Variants in DPYS observed in about 807,000 individuals in gnomAD.
The protein encoded by DPYS is dihydropyrimidine amidohydrolase.
A neutral mutation model predicts 50.3 loss-of-function variants in DPYS; 39 were observed. The observed-to-expected ratio is 0.78, with a 90% CI of 0.60 to 1.01. DPYS has a LOEUF of 1.01. DPYS is among the 50% of genes least tolerant of loss of function. The pLI is 0.00. For missense variants in DPYS, 659 were observed against 680.9 expected, an observed-to-expected ratio of 0.97 and a Z score of 0.36; for synonymous variants, 245 against 250.7, an observed-to-expected ratio of 0.98 and a Z score of 0.22.
chr8:104,405,708 G>C (rs750741427), intron 7 of DPYS, among the ~76,000 whole-genome samples: 1 of 152,246 alleles, frequency 6.6e-6, no homozygotes, highest in African/African-American at 2.4e-5. Context: ...CATCACCTCT[G>C]TCTGCCTGGA....
At chr8:104,459,072 T>C (rs1461715676) in intron 1 of DPYS, among the ~76,000 whole-genome samples, 1 of 152,188 alleles carries the variant, frequency 6.6e-6, no homozygotes, top group Non-Finnish European at 1.5e-5. Context: ...TTAGATGCAA[T>C]GAAACATAAC....
Position 104,451,244 on chromosome 8 carries a change from A to C in DPYS, c.423+2T>G, listed in dbSNP as rs749522273. The C allele has an allele frequency of 6.2e-7, 1 of 1,613,816 alleles. No homozygotes were observed. Among genetic ancestry groups the C allele is most frequent in the Middle Eastern group, 1.7e-4 (1 of 5,806 alleles). ...GAACACATTGAAATCCAGGTGCTTT[A>C]CCTGGTCACTCCACCACGTCACTGC... On this transcript the variant is annotated splice_donor_variant, in intron 2 of 9. Transcript: ENST00000351513. LOFTEE classifies it high-confidence loss of function.
chr8:104,460,485 A>G (rs1224569896), intron 1 of DPYS, among the ~76,000 whole-genome samples: 1 of 152,154 alleles, frequency 6.6e-6, no homozygotes, highest in African/African-American at 2.4e-5. Context: ...CAGCCTGTGA[A>G]ACTGTGAGTC....
chr8:104,431,385 A>G (rs1278402496), intron 4 of DPYS, among the ~76,000 whole-genome samples: 1 of 151,586 alleles, frequency 6.6e-6, no homozygotes, highest in Non-Finnish European at 1.5e-5. Flanking sequence ...CTTTAGTGGT[A>G]TATACAACAA....
chr8:104,415,529 T>C (rs1432202737), intron 7 of DPYS, among the ~76,000 whole-genome samples: 1 of 152,146 alleles, frequency 6.6e-6, no homozygotes, highest in Non-Finnish European at 1.5e-5. Flanking sequence ...GTGGTTAAAA[T>C]TGTATGCATA....
At chr8:104,450,454 T>G (rs1813700539) in intron 2 of DPYS, among the ~76,000 whole-genome samples, 1 of 152,222 alleles carries the variant, frequency 6.6e-6, no homozygotes, top group African/African-American at 2.4e-5. Context: ...GTAAAAAGAT[T>G]GCTGAATTAA....
chr8:104,457,083 T>G (rs1813951005), intron 1 of DPYS, among the ~76,000 whole-genome samples: 1 of 152,232 alleles, frequency 6.6e-6, no homozygotes, highest in Admixed American at 6.5e-5. Flanking sequence ...TGATAAAGTT[T>G]AATTTATTAC....
chr8:104,453,739 A>G (rs527887994), intron 1 of DPYS, among the ~76,000 whole-genome samples: 152 of 152,362 alleles, frequency 1.0e-3, no homozygotes, highest in Non-Finnish European at 1.6e-3. Flanking sequence ...AGACTTGCAC[A>G]TGAATATTCA....
At position 104,451,350 on chromosome 8, in the gene DPYS, C is replaced by G; in HGVS notation, c.319G>C (p.Gly107Arg). ...TCGAAGGCCTCAATGAGGGAGCCAC[C>G]TTTCTGAGGAATGGCGAAATCAATA... ...MIIDFAIPQK[G>R]GSLIEAFETW... Residue 107 changes from glycine (G) to arginine (R), a missense_variant, in exon 2 of 10, where the codon GGT (glycine) becomes CGT (arginine). Gly to Arg is a moderately radical substitution (Grantham distance 125). Transcript: ENST00000351513. 1 of 1,614,200 alleles carries G rather than the reference C, an allele frequency of 6.2e-7. No individual in the cohort carries two copies. The highest frequency in any genetic ancestry group is 1.1e-5 in the South Asian group (1 of 91,088).
rs141867641 is a variant in DPYS at position 104,424,293 on chromosome 8, C to A, written c.1189G>T (p.Val397Leu). 1.2e-6 allele frequency: 2 copies of A among 1,614,168 alleles called. No homozygotes were observed. The highest frequency in any genetic ancestry group is 1.7e-6 in the Non-Finnish European group (2 of 1,180,010). ...NLYPRKGRIA[V>L]GSDADIVIWD... Reference sequence around the variant, plus strand: ...ATAACAATGTCAGCATCTGATCCTACAGCTATTCTTCCTTTTCTTGGATAG... The same window carrying A: ...ATAACAATGTCAGCATCTGATCCTAAAGCTATTCTTCCTTTTCTTGGATAG... The change falls in exon 7 of 10, where the codon GTA (valine) becomes TTA (leucine). Residue 397 changes from valine (V) to leucine (L), a missense_variant. Transcript: ENST00000351513.
At chr8:104,379,953 C>T (rs1240074029) in intron 9 of DPYS, 110 bp from the exon 10 acceptor site, 4 of 388,130 alleles carry the variant, frequency 1.0e-5, no homozygotes, top group Non-Finnish European at 1.6e-5. Context: ...ACTAATCCTG[C>T]TCCTATAAAT....
chr8:104,390,766 T>C (rs1408211136), intron 8 of DPYS, among the ~76,000 whole-genome samples: 2 of 152,066 alleles, frequency 1.3e-5, no homozygotes, highest in African/African-American at 2.4e-5. Context: ...CCCAAACTGC[T>C]AGGATTACAG....
intron 4 of DPYS, among the ~76,000 whole-genome samples, chr8:104,443,274 T>C (rs981414147): frequency 2.0e-5 from 3 of 152,132 alleles, no homozygotes; most frequent in Non-Finnish European, 4.4e-5. Context: ...CTTTGCCCAG[T>C]GCTTATCAAA....
At chr8:104,406,684 C>T (rs1449082329) in intron 7 of DPYS, among the ~76,000 whole-genome samples, 3 of 152,242 alleles carry the variant, frequency 2.0e-5, no homozygotes, top group Non-Finnish European at 2.9e-5. Context: ...GCCCTCTGGC[C>T]TGCAGACTCC....
chr8:104,447,503 C>T lies in DPYS; in HGVS notation c.424G>A (p.Val142Ile), dbSNP rs769028670. 6.2e-7 allele frequency: 1 copy of T among 1,614,030 alleles called. No individual in the cohort carries two copies. The change falls in exon 3 of 10, where the codon GTT becomes ATT. Residue 142 changes from valine (V) to isoleucine (I), a missense_variant and splice_region_variant. Coordinates refer to ENST00000351513, the MANE Select transcript of DPYS (RefSeq NM_001385.3). ...ACAAGGATTTTCATTTCTTCTTTAA[C>T]CTAAAAGGAAGCAGCAACCATAACA... is the stretch of plus-strand genomic sequence containing the variant. ...HVAVTWWSDQ[V>I]KEEMKILVQD...
chr8:104,381,328 T>C lies in DPYS; in HGVS notation c.1444-14A>G, dbSNP rs1364830004. ...AGGTGTGCAAGTCTGAAAGAGAACA[T>C]TTCATTTCTCTCTTGTGGTTTATTT... is the stretch of plus-strand genomic sequence containing the variant. On this transcript the variant is annotated splice_polypyrimidine_tract_variant and intron_variant, in intron 8 of 9. Coordinates refer to ENST00000351513, the MANE Select transcript of DPYS (RefSeq NM_001385.3). 5 of 1,603,900 alleles carry C rather than the reference T, an allele frequency of 3.1e-6. No individual in the cohort carries two copies. The highest frequency in any genetic ancestry group is 4.3e-6 in the Non-Finnish European group (5 of 1,170,894).
chr8:104,394,595 T>C (rs1811515940), intron 7 of DPYS, among the ~76,000 whole-genome samples: 1 of 152,072 alleles, frequency 6.6e-6, no homozygotes, highest in Non-Finnish European at 1.5e-5. Flanking sequence ...CTGGCTTCTT[T>C]GTTTCAATTC....
intron 5 of DPYS, 24 bp downstream of exon 5, chr8:104,429,521 C>A: frequency 6.2e-7 from 1 of 1,613,872 alleles, no homozygotes; most frequent in South Asian, 1.1e-5. Context: ...CAATACACTT[C>A]CCAGTCATCT....
intron 1 of DPYS, among the ~76,000 whole-genome samples, 183 bp downstream of exon 1, chr8:104,466,474 G>C (rs992486125): frequency 3.9e-5 from 6 of 152,254 alleles, no homozygotes; most frequent in Admixed American, 6.5e-5. Flanking sequence ...GCGCCTGAAA[G>C]GGACCCCAGC....
Sources: allele counts gnomAD v4.1 joint callset (sites outside exome capture counted in the v4.1 genomes callset), GRCh38; gene constraint gnomAD v4.1.1; transcripts MANE v1.5; gene names NCBI Gene and HGNC (gene_info 2026-07-23, HGNC 2026-07-21).